The following LINGO1 variants were observed in gnomAD, a reference collection of about 807,000 sequenced individuals.
LINGO1 encodes leucine-rich repeat and immunoglobulin-like domain-containing nogo receptor-interacting protein 1.
A neutral mutation model predicts 37.3 loss-of-function variants in LINGO1; 11 were observed. That is an observed-to-expected ratio of 0.29 (90% CI 0.19 to 0.49). The LOEUF (loss-of-function observed/expected upper bound fraction) is 0.49, where lower values mean the gene tolerates loss of function less well. Among genes scored for constraint, LINGO1 ranks in the 20% least tolerant of loss-of-function variants. The probability of loss-of-function intolerance (pLI) is 0.99; values close to 1 mark genes in which losing one functional copy is unlikely to be tolerated. For missense variants in LINGO1, 585 were observed against 878.2 expected (o/e 0.67, Z 4.22); for synonymous variants, 387 against 403.0 (o/e 0.96, Z 0.48).
chr15:77,648,413 T>C (rs72546310), intron 3 of LINGO1: 182 of 153,708 alleles, frequency 1.2e-3, no homozygotes, highest in Middle Eastern at 3.4e-3. Context: ...ACATGGCCAC[T>C]GTGTCAGCTG....
At chr15:77,645,859 G>A (rs569478774) in intron 3 of LINGO1, among the ~76,000 whole-genome samples, 3 of 152,346 alleles carry the variant, frequency 2.0e-5, no homozygotes, top group Admixed American at 6.5e-5. Context: ...CCTCACTCAC[G>A]AAGGGGACAG....
intron 2 of LINGO1, among the ~76,000 whole-genome samples, chr15:77,732,827 G>C (rs1026007908): frequency 1.2e-4 from 19 of 152,236 alleles, no homozygotes; most frequent in African/African-American, 4.6e-4. Flanking sequence ...CGCATGTTCA[G>C]GCTCTGATCT....
chr15:77,645,708 A>G (rs916893194), intron 3 of LINGO1, among the ~76,000 whole-genome samples: 2 of 152,224 alleles, frequency 1.3e-5, no homozygotes, highest in Non-Finnish European at 2.9e-5. Flanking sequence ...CAGTCCCACC[A>G]GAGAGCTGGC....
At chr15:77,704,795 TAGACTGTG>T (rs2075829316) in intron 2 of LINGO1, among the ~76,000 whole-genome samples, 2 of 152,066 alleles carry the variant, frequency 1.3e-5, no homozygotes, top group South Asian at 4.2e-4. Context: ...ACACCAGTCA[TAGACTGTG>T]TTCTGACCCT....
intron 1 of LINGO1, among the ~76,000 whole-genome samples, chr15:77,693,019 G>C (rs2075630946): frequency 2.0e-5 from 3 of 152,216 alleles, no homozygotes; most frequent in South Asian, 2.1e-4. Context: ...CAGGGCTTCA[G>C]GCCCAGGTGA....
In LINGO1 at chr15:77,632,265, C is replaced by A. The variant is rs562141429; in HGVS notation, c.6+45G>T. 45 of 1,370,068 alleles carry A rather than the reference C, an allele frequency of 3.3e-5. No individual in the cohort carries two copies. The highest frequency in any genetic ancestry group is 4.1e-5 in the Non-Finnish European group (44 of 1,066,098). The allele number at this position is 1,370,068 out of a possible 1,614,324, so 84.9% of individuals were successfully genotyped here. A position where few individuals can be genotyped will look rare whatever the true frequency, so the allele number is the denominator to read the frequency against. ...GATGGCGGCCCCCAGGGGCACTCGCCGCGGGGCTGCCCGCTCGGGGCTCGG... is the reference window on the plus strand; with the variant it reads ...GATGGCGGCCCCCAGGGGCACTCGCAGCGGGGCTGCCCGCTCGGGGCTCGG... On this transcript the variant is annotated intron_variant, in intron 1 of 1. Transcript: ENST00000355300. This position sits in a 1 kb window ranked among gnomAD's most constrained non-coding sequence, Gnocchi z 6.0.
chr15:77,760,122 C>T (rs1280534275), intron 1 of LINGO1, among the ~76,000 whole-genome samples: 1 of 152,256 alleles, frequency 6.6e-6, no homozygotes, highest in East Asian at 1.9e-4. Flanking sequence ...TTCCCTGCAG[C>T]AGCCGTGTTT....
Position 77,657,976 on chromosome 15 carries a change from G to A in LINGO1, c.-13+19113C>T, listed in dbSNP as rs562400549. On this transcript the variant is annotated intron_variant, in intron 3 of 3. Coordinates refer to the LINGO1 transcript ENST00000559893. ...ACAAATGCCAGTCCCCGTCTCTGCCGCCCGCCCAAGCTTGGGCCATCTGTT... is the reference window on the plus strand; with the variant it reads ...ACAAATGCCAGTCCCCGTCTCTGCCACCCGCCCAAGCTTGGGCCATCTGTT... Among the ~76,000 whole-genome samples the A allele has an allele frequency of 1.4e-3, 213 of 152,230 alleles. 1 individual carries two copies. The highest frequency in any genetic ancestry group is 3.4e-3 in the Middle Eastern group (1 of 294).
intron 1 of LINGO1, among the ~76,000 whole-genome samples, chr15:77,816,858 C>G (rs143796666): frequency 3.2e-4 from 49 of 152,236 alleles, no homozygotes; most frequent in Middle Eastern, 3.4e-3. Flanking sequence ...AGGGGTGGAA[C>G]CAAGCTAGGC....
At chr15:77,687,925 G>A (rs927634018) in intron 2 of LINGO1, among the ~76,000 whole-genome samples, 1 of 152,142 alleles carries the variant, frequency 6.6e-6, no homozygotes, top group African/African-American at 2.4e-5. Flanking sequence ...GCACTGTCTT[G>A]GGGCTACCAC....
chr15:77,662,912 C>T (rs1475704935), intron 3 of LINGO1, among the ~76,000 whole-genome samples: 2 of 152,182 alleles, frequency 1.3e-5, no homozygotes, highest in Non-Finnish European at 2.9e-5. Flanking sequence ...AAAAGACAGG[C>T]ACTGCAGGAG....
At chr15:77,803,367 G>A (rs2076934397) in intron 1 of LINGO1, among the ~76,000 whole-genome samples, 1 of 152,074 alleles carries the variant, frequency 6.6e-6, no homozygotes, top group African/African-American at 2.4e-5. Context: ...AGGATCGCTT[G>A]AGCCCAGGAG....
At chr15:77,786,404 C>G (rs2076771412) in intron 1 of LINGO1, among the ~76,000 whole-genome samples, 1 of 152,160 alleles carries the variant, frequency 6.6e-6, no homozygotes, top group South Asian at 2.1e-4. Flanking sequence ...CCCACCACCC[C>G]TGGGATCTGC....
At chr15:77,715,097 G>C (rs1340371080) in intron 2 of LINGO1, among the ~76,000 whole-genome samples, 2 of 152,202 alleles carry the variant, frequency 1.3e-5, no homozygotes, top group East Asian at 3.9e-4. Flanking sequence ...ACCTGAGCTT[G>C]GCCAGCCTAC....
At chr15:77,619,037 A>T (rs946654630) in intron 1 of LINGO1, among the ~76,000 whole-genome samples, 1 of 152,276 alleles carries the variant, frequency 6.6e-6, no homozygotes, top group Non-Finnish European at 1.5e-5. Flanking sequence ...TCAGGAAAGA[A>T]TGCCACCAAG....
At chr15:77,617,726 C>A (rs1360311638) in intron 1 of LINGO1, among the ~76,000 whole-genome samples, 1 of 152,226 alleles carries the variant, frequency 6.6e-6, no homozygotes, top group Non-Finnish European at 1.5e-5. Context: ...GTAGAGGGAG[C>A]AATTCTGGGA....
Position 77,625,983 on chromosome 15 carries a change from G to A in LINGO1, c.6+6327C>T, listed in dbSNP as rs189255663. ...GAACAACCCCACCAACCCTCACCAC[G>A]TTACACACCCACTTCACTGATGAGG... On this transcript the variant is annotated intron_variant, in intron 1 of 1. Transcript: ENST00000355300. 2.3e-3 allele frequency among the ~76,000 whole-genome samples: 357 copies of A among 152,204 alleles called. 5 individuals carry two copies. The highest frequency in any genetic ancestry group is 0.023 in the South Asian group (109 of 4,822).
At chr15:77,801,605 T>TTC (rs1555544330) in intron 1 of LINGO1, among the ~76,000 whole-genome samples, 1 of 151,882 alleles carries the variant, frequency 6.6e-6, no homozygotes. Context: ...TTTTTTTTTT[T>TTC]AATCCTTCTC....
chr15:77,615,584 C>A lies in LINGO1; in HGVS notation c.323G>T (p.Ser108Ile). The change falls in exon 2 of 2, where the codon AGC becomes ATC. Residue 108 changes from serine (S) to isoleucine (I), a missense_variant. Transcript: ENST00000355300. The part of the protein sequence containing the change: ...EELELNENIV[S>I]AVEPGAFNNL... ...GTTGAAGGCGCCGGGCTCCACGGCG[C>A]TCACGATGTTCTCGTTGAGCTCCAG... 2 of 1,611,550 alleles carry A rather than the reference C, an allele frequency of 1.2e-6. No individual in the cohort carries two copies. Among genetic ancestry groups the A allele is most frequent in the Non-Finnish European group, 1.7e-6 (2 of 1,178,820 alleles).
Sources: gnomAD v4.1 joint callset for allele counts (sites outside exome capture counted in the v4.1 genomes callset) on GRCh38, gnomAD v4.1.1 for gene constraint, Gnocchi (gnomAD v3.1) non-coding constraint, MANE v1.5 for transcripts, NCBI Gene and HGNC (gene_info 2026-07-23, HGNC 2026-07-21) for gene names.